The following CATSPER3 variants were observed in gnomAD, a reference collection of about 807,000 sequenced individuals.
The protein encoded by CATSPER3 is cation channel sperm associated 3, also known as cation channel sperm-associated protein 3.
A neutral mutation model predicts 36.6 loss-of-function variants in CATSPER3; 23 were observed. The ratio of observed to expected loss-of-function variants is 0.63; its 90% confidence interval spans 0.45 to 0.89. The LOEUF (loss-of-function observed/expected upper bound fraction) is 0.89, where lower values mean the gene tolerates loss of function less well. CATSPER3 is among the 40% of genes least tolerant of loss of function. The pLI is 0.00. For missense variants in CATSPER3, 474 were observed against 503.9 expected, an observed-to-expected ratio of 0.94 and a Z score of 0.57; for synonymous variants, 172 against 184.1, an observed-to-expected ratio of 0.93 and a Z score of 0.53.
At chr5:134,994,234 G>A (rs1362986598) in intron 2 of CATSPER3, among the ~76,000 whole-genome samples, 1 of 152,196 alleles carries the variant, frequency 6.6e-6, no homozygotes, top group Admixed American at 6.5e-5. Flanking sequence ...GTATAAAGAT[G>A]TCTTCCTGAT....
chr5:134,982,939 CA>C (rs1239142980), intron 2 of CATSPER3, among the ~76,000 whole-genome samples: 1 of 151,990 alleles, frequency 6.6e-6, no homozygotes, highest in African/African-American at 2.4e-5. Context: ...CTGTATAGAG[CA>C]GAATTGTTAT....
intron 3 of CATSPER3, among the ~76,000 whole-genome samples, chr5:134,999,389 C>T (rs1247724084): frequency 7.9e-5 from 12 of 152,156 alleles, no homozygotes; most frequent in South Asian, 2.1e-4. Flanking sequence ...CTTGGCAATG[C>T]GGGCTCTTTT....
At chr5:134,997,307 G>A (rs1454805153) in intron 3 of CATSPER3, among the ~76,000 whole-genome samples, 1 of 152,204 alleles carries the variant, frequency 6.6e-6, no homozygotes, top group South Asian at 2.1e-4. Context: ...AAAAGAGAAG[G>A]GGAACGTTAG....
At position 134,999,587 on chromosome 5, in the gene CATSPER3, G is replaced by A. The variant is rs537525029; in HGVS notation, c.492+3075G>A. Among the ~76,000 whole-genome samples, 6 of 152,150 alleles carry A rather than the reference G, an allele frequency of 3.9e-5. No homozygotes were observed. The South Asian group carries it at 1.2e-3, about 32-fold the overall frequency. ...GTTTGTATCCTCTTTTATTTCACTG[G>A]GCAGTGGTTTGTAGTTCTCCTTGAA... On this transcript the variant is annotated intron_variant, in intron 3 of 7. Transcript: ENST00000282611.
chr5:134,991,790 G>T (rs1027509641), intron 2 of CATSPER3, among the ~76,000 whole-genome samples: 1 of 152,086 alleles, frequency 6.6e-6, no homozygotes, highest in Non-Finnish European at 1.5e-5. Flanking sequence ...CAGACAAATT[G>T]GGCTTCATTA....
intron 3 of CATSPER3, among the ~76,000 whole-genome samples, chr5:135,000,861 CA>C (rs1321399218): frequency 1.3e-5 from 2 of 152,038 alleles, no homozygotes; most frequent in African/African-American, 4.8e-5. Context: ...TTGATCTTTT[CA>C]AAAAACCAGC....
intron 2 of CATSPER3, among the ~76,000 whole-genome samples, chr5:134,979,999 T>G (rs1363726912): frequency 8.1e-6 from 1 of 123,638 alleles, no homozygotes; most frequent in African/African-American, 2.6e-5. Context: ...TCTTTCTTTT[T>G]GAGACAAAGT....
chr5:134,997,858 C>T (rs1290586152), intron 3 of CATSPER3, among the ~76,000 whole-genome samples: 1 of 152,194 alleles, frequency 6.6e-6, no homozygotes, highest in African/African-American at 2.4e-5. Context: ...GAAGTTGTCA[C>T]TCACCCCCAT....
rs191728642 is a variant in CATSPER3, at chr5:134,990,119, G to A, written c.253-6154G>A. 7.2e-5 allele frequency among the ~76,000 whole-genome samples: 11 copies of A among 152,218 alleles called. No individual in the cohort carries two copies. The East Asian group carries it at 7.7e-4, about 11-fold the overall frequency. ...TGCCATCCCAAGCAATTAAAATAGC[G>A]TGAACCCCGAAAATCTGAGACAGGT... On this transcript the variant is annotated intron_variant, in intron 2 of 7. Coordinates refer to ENST00000282611, the MANE Select transcript of CATSPER3 (RefSeq NM_178019.3).
At chr5:135,007,242 C>T (rs1372284158) in intron 3 of CATSPER3, among the ~76,000 whole-genome samples, 1 of 152,146 alleles carries the variant, frequency 6.6e-6, no homozygotes, top group Non-Finnish European at 1.5e-5. Context: ...TCTGACGGCT[C>T]ATTTTGAAGT....
intron 4 of CATSPER3, 26 bp from the exon 5 acceptor site, chr5:135,008,815 C>T (rs1268172397): frequency 1.2e-6 from 2 of 1,612,796 alleles, no homozygotes; most frequent in Non-Finnish European, 8.5e-7. Context: ...TCTGGGCCCT[C>T]AGCATACTCT....
At position 134,970,112 on chromosome 5, in the gene CATSPER3, C is replaced by A; in HGVS notation, c.252+20C>A. 1 of 1,609,746 alleles carries A rather than the reference C, an allele frequency of 6.2e-7. No homozygotes were observed. The highest frequency in any genetic ancestry group is 8.5e-7 in the Non-Finnish European group (1 of 1,176,442). ...CTTGAGGTAAGCAGACAAAATGGGT[C>A]CATTTTCTTCTTTTTTTAAAACATG... is the stretch of plus-strand genomic sequence containing the variant. On this transcript the variant is annotated intron_variant, in intron 2 of 7. Coordinates refer to ENST00000282611, the MANE Select transcript of CATSPER3 (RefSeq NM_178019.3).
At chr5:135,005,560 C>T (rs1752075638) in intron 3 of CATSPER3, among the ~76,000 whole-genome samples, 1 of 152,142 alleles carries the variant, frequency 6.6e-6, no homozygotes, top group African/African-American at 2.4e-5. Context: ...TGCCCATGGT[C>T]GGGACTTGTA....
At chr5:135,004,982 GC>G (rs1015938891) in intron 3 of CATSPER3, among the ~76,000 whole-genome samples, 3 of 152,124 alleles carry the variant, frequency 2.0e-5, no homozygotes, top group African/African-American at 7.2e-5. Context: ...GAATGAGGGT[GC>G]CAGAGACCAG....
intron 2 of CATSPER3, among the ~76,000 whole-genome samples, chr5:134,971,462 C>T (rs530591794): frequency 2.0e-4 from 30 of 152,170 alleles, no homozygotes; most frequent in Admixed American, 4.6e-4. Context: ...GGTAGCAAAG[C>T]CAAGAACCCA....
intron 1 of CATSPER3, chr5:134,969,391 A>C (rs1180637770): frequency 6.2e-6 from 1 of 161,112 alleles, no homozygotes; most frequent in Non-Finnish European, 1.4e-5. Context: ...TTTACTTTGC[A>C]TCTCCCTGAT....
intron 1 of CATSPER3, 130 bp downstream of exon 1, chr5:134,968,219 G>T: frequency 1.4e-6 from 1 of 715,188 alleles, no homozygotes. Context: ...GCATGTCCTT[G>T]ACAATCTGGT....
chr5:134,995,279 T>C (rs1379943536), intron 2 of CATSPER3, among the ~76,000 whole-genome samples: 2 of 152,188 alleles, frequency 1.3e-5, no homozygotes, highest in Non-Finnish European at 2.9e-5. Context: ...CAACCTCTCT[T>C]CATCCCCTGC....
In CATSPER3 at chr5:135,008,988, C is replaced by T; in HGVS notation, c.816+7C>T. ...GATGATCATGCACACAGAGGTGAGG[C>T]CACACCTGTGAGGATCGGAGGTCAG... On this transcript the variant is annotated splice_region_variant and intron_variant, in intron 5 of 7. Coordinates refer to ENST00000282611, the MANE Select transcript of CATSPER3 (RefSeq NM_178019.3). 2.5e-6 allele frequency: 4 copies of T among 1,613,980 alleles called. No individual in the cohort carries two copies. Among genetic ancestry groups the T allele is most frequent in the Non-Finnish European group, 3.4e-6 (4 of 1,179,976 alleles).
Sources: gnomAD v4.1 joint callset for allele counts (sites outside exome capture counted in the v4.1 genomes callset) on GRCh38, gnomAD v4.1.1 for gene constraint, MANE v1.5 for transcripts, NCBI Gene and HGNC (gene_info 2026-07-23, HGNC 2026-07-21) for gene names.